PACRG: variants seen among roughly 807,000 people sequenced by gnomAD.
PACRG encodes parkin coregulated, also known as parkin coregulated gene protein.
Under a neutral mutation model 29.7 loss-of-function variants are expected in PACRG, and 29 were observed. The ratio of observed to expected loss-of-function variants is 0.98; its 90% CI spans 0.73 to 1.33. The LOEUF is 1.33. Among genes scored for constraint, PACRG ranks in the 40% most tolerant of loss-of-function variants. The pLI, the probability that PACRG is intolerant of heterozygous loss-of-function variation, is 0.00. For synonymous variants in PACRG, 116 were observed against 118.7 expected (o/e 0.98, Z 0.15); for missense variants, 279 against 316.2 (o/e 0.88, Z 0.89).
At chr6:163,296,313 C>A (rs141411179) in intron 4 of PACRG, among the ~76,000 whole-genome samples, 3 of 151,608 alleles carry the variant, frequency 2.0e-5, no homozygotes, top group South Asian at 2.1e-4. Flanking sequence ...TTTTTTGAGA[C>A]GGAATCTCGC....
intron 2 of PACRG, among the ~76,000 whole-genome samples, chr6:162,955,772 G>A (rs894949311): frequency 2.6e-5 from 4 of 152,232 alleles, no homozygotes; most frequent in South Asian, 2.1e-4. Flanking sequence ...TACAGTCTTG[G>A]TGTCCAAGGG....
At chr6:163,297,532 G>T (rs1400803145) in intron 4 of PACRG, among the ~76,000 whole-genome samples, 1 of 151,840 alleles carries the variant, frequency 6.6e-6, no homozygotes, top group Non-Finnish European at 1.5e-5. Context: ...CTTCAGCTTG[G>T]GCTTCCTAGA....
chr6:162,867,217 C>T (rs1007122330), intron 2 of PACRG, among the ~76,000 whole-genome samples: 1 of 152,188 alleles, frequency 6.6e-6, no homozygotes, highest in Non-Finnish European at 1.5e-5. Flanking sequence ...CCAATTAAAA[C>T]AGCTTGATCC....
intron 1 of PACRG, among the ~76,000 whole-genome samples, chr6:162,792,603 AG>A (rs1785046465): frequency 6.6e-6 from 1 of 152,182 alleles, no homozygotes; most frequent in African/African-American, 2.4e-5. Flanking sequence ...CTGAAAGAGG[AG>A]GCAGACACTT....
At chr6:163,164,519 C>T (rs2128343316) in intron 4 of PACRG, among the ~76,000 whole-genome samples, 1 of 152,344 alleles carries the variant, frequency 6.6e-6, no homozygotes, top group East Asian at 1.9e-4. Flanking sequence ...GGACCTCGGG[C>T]TCTTCCCTCG....
intron 1 of PACRG, among the ~76,000 whole-genome samples, chr6:162,753,258 C>T (rs1197256861): frequency 2.0e-5 from 3 of 151,868 alleles, no homozygotes; most frequent in Admixed American, 1.3e-4. Context: ...CCTCCCTCTC[C>T]ACCCCCACCC....
At chr6:163,019,219 A>C (rs1482558277) in intron 2 of PACRG, among the ~76,000 whole-genome samples, 1 of 152,186 alleles carries the variant, frequency 6.6e-6, no homozygotes, top group East Asian at 1.9e-4. Flanking sequence ...GGGATTTGAC[A>C]ACACTCTTTT....
At chr6:163,048,541 C>T (rs891146686) in intron 2 of PACRG, among the ~76,000 whole-genome samples, 12 of 152,096 alleles carry the variant, frequency 7.9e-5, no homozygotes, top group African/African-American at 2.7e-4. Context: ...ATGTCGGCCT[C>T]GGTGAGATTG....
intron 4 of PACRG, among the ~76,000 whole-genome samples, chr6:163,141,680 A>G (rs545457419): frequency 1.3e-5 from 2 of 152,258 alleles, no homozygotes; most frequent in African/African-American, 4.8e-5. Flanking sequence ...AAAAAAAAGC[A>G]TTAATGGAGA....
At chr6:163,063,377 A>G (rs1256891914) in intron 3 of PACRG, among the ~76,000 whole-genome samples, 1 of 152,030 alleles carries the variant, frequency 6.6e-6, no homozygotes, top group Non-Finnish European at 1.5e-5. Flanking sequence ...GCAGCTTCCC[A>G]AAATGATTGA....
At chr6:162,818,231 G>A (rs1787523908) in intron 2 of PACRG, among the ~76,000 whole-genome samples, 1 of 152,190 alleles carries the variant, frequency 6.6e-6, no homozygotes, top group South Asian at 2.1e-4. Flanking sequence ...CAACAAGTGA[G>A]AAAAGAGCTA....
intron 2 of PACRG, among the ~76,000 whole-genome samples, chr6:162,907,984 T>C (rs1796048028): frequency 1.3e-5 from 2 of 152,152 alleles, no homozygotes; most frequent in Admixed American, 1.3e-4. Flanking sequence ...GCTGTGATAT[T>C]GCAACAAAAG....
At chr6:162,815,104 G>A (rs1787221400) in intron 2 of PACRG, among the ~76,000 whole-genome samples, 2 of 151,870 alleles carry the variant, frequency 1.3e-5, no homozygotes, top group South Asian at 4.2e-4. Context: ...CAACTAAAAG[G>A]GCTTCTCTGC....
intron 2 of PACRG, among the ~76,000 whole-genome samples, chr6:163,027,629 C>T (rs921451222): frequency 6.6e-6 from 1 of 152,138 alleles, no homozygotes; most frequent in Non-Finnish European, 1.5e-5. Context: ...ATATAATAAC[C>T]CAACCCCACA....
At chr6:162,962,013 T>C in intron 2 of PACRG, among the ~76,000 whole-genome samples, 1 of 152,304 alleles carries the variant, frequency 6.6e-6, no homozygotes. Context: ...CTGCTAAACT[T>C]TTGTTCCTCC....
chr6:162,858,956 G>A (rs1791629175), intron 2 of PACRG, among the ~76,000 whole-genome samples: 1 of 152,190 alleles, frequency 6.6e-6, no homozygotes, highest in East Asian at 1.9e-4. Flanking sequence ...AAAAGTCACA[G>A]AGACCCTCCT....
Position 163,315,202 on chromosome 6 carries a change from G to A in PACRG, c.*215G>A, listed in dbSNP as rs1252969911. The A allele has an allele frequency of 6.4e-6, 3 of 470,478 alleles. No individual in the cohort carries two copies. Among genetic ancestry groups the A allele is most frequent in the Non-Finnish European group, 1.1e-5 (3 of 274,044 alleles). The allele number at this position is 470,478 out of a possible 1,614,324, so 29.1% of individuals were successfully genotyped here. A position where few individuals can be genotyped will look rare whatever the true frequency, so the allele number is the denominator to read the frequency against. ...TTCTTAGATTACAATAGTGTACTGT[G>A]CTTATTTGTTCTAAGAGAAGAATTG... On this transcript the variant is annotated 3_prime_UTR_variant, in exon 5 of 5. Coordinates refer to ENST00000366888, the MANE Select transcript of PACRG (RefSeq NM_001080379.2).
intron 2 of PACRG, among the ~76,000 whole-genome samples, chr6:163,020,831 C>G (rs540122178): frequency 7.2e-5 from 11 of 152,192 alleles, no homozygotes; most frequent in African/African-American, 2.7e-4. Flanking sequence ...CTGTAGCCTG[C>G]TCTTTATTGC....
chr6:162,815,094 C>T (rs1015372152), intron 2 of PACRG, among the ~76,000 whole-genome samples: 1 of 152,068 alleles, frequency 6.6e-6, no homozygotes, highest in Non-Finnish European at 1.5e-5. Flanking sequence ...TGATATTTAT[C>T]AACTAAAAGG....
Sources: gnomAD v4.1 joint callset for allele counts (sites outside exome capture counted in the v4.1 genomes callset) on GRCh38, gnomAD v4.1.1 for gene constraint, MANE v1.5 for transcripts, NCBI Gene and HGNC (gene_info 2026-07-23, HGNC 2026-07-21) for gene names.